The following WDR49 variants were observed in gnomAD, a reference collection of about 807,000 sequenced individuals.
WDR49 encodes WD repeat domain 49, also known as cilia- and flagella-associated protein 337.
Under a neutral mutation model 119.5 loss-of-function variants are expected in WDR49, and 107 were observed. The ratio of observed to expected loss-of-function variants is 0.90; its 90% CI spans 0.77 to 1.05. The LOEUF is 1.05. Ranked by LOEUF, WDR49 falls within the 50% of genes least tolerant of loss-of-function variation. WDR49 has a pLI of 0.00. For synonymous variants in WDR49, 425 were observed against 418.8 expected (o/e 1.01, Z -0.18); for missense variants, 1,240 against 1,220.5 (o/e 1.02, Z -0.24).
chr3:167,569,357 G>A (rs1015371977), intron 8 of WDR49, among the ~76,000 whole-genome samples: 1 of 152,078 alleles, frequency 6.6e-6, no homozygotes, highest in African/African-American at 2.4e-5. Flanking sequence ...TTAACTTTTT[G>A]TAATAGATTT....
chr3:167,532,392 A>G (rs1032021073), intron 12 of WDR49, among the ~76,000 whole-genome samples: 2 of 152,202 alleles, frequency 1.3e-5, no homozygotes, highest in Non-Finnish European at 2.9e-5. Context: ...CTAAACTCCC[A>G]TAAAATACAA....
At chr3:167,550,845 T>A (rs1712516351) in intron 10 of WDR49, among the ~76,000 whole-genome samples, 1 of 149,588 alleles carries the variant, frequency 6.7e-6, no homozygotes. Flanking sequence ...CAGGATAAAA[T>A]CTTAAATTCT....
intron 8 of WDR49, among the ~76,000 whole-genome samples, chr3:167,569,330 G>A (rs922847308): frequency 1.2e-4 from 19 of 152,206 alleles, no homozygotes; most frequent in Admixed American, 1.1e-3. Context: ...GTTTGAATAC[G>A]TAAGTTTTGA....
intron 5 of WDR49, among the ~76,000 whole-genome samples, chr3:167,619,567 G>A (rs1716766457): frequency 6.6e-6 from 1 of 152,094 alleles, no homozygotes; most frequent in African/African-American, 2.4e-5. Flanking sequence ...GAAACCCAAA[G>A]AGGGTAAAAT....
chr3:167,629,481 C>T (rs1048702704), intron 2 of WDR49, among the ~76,000 whole-genome samples: 2 of 151,996 alleles, frequency 1.3e-5, no homozygotes, highest in East Asian at 3.9e-4. Flanking sequence ...TGTTTTTATG[C>T]CTGCTAACAC....
At chr3:167,596,173 C>G (rs1472321940) in intron 7 of WDR49, among the ~76,000 whole-genome samples, 1 of 151,828 alleles carries the variant, frequency 6.6e-6, no homozygotes, top group Non-Finnish European at 1.5e-5. Context: ...CAGTGAGATA[C>G]CATCTCACAC....
At chr3:167,582,960 A>T (rs1429849678) in intron 7 of WDR49, among the ~76,000 whole-genome samples, 1 of 150,052 alleles carries the variant, frequency 6.7e-6, no homozygotes, top group African/African-American at 2.4e-5. Flanking sequence ...ACACACACAC[A>T]CACACACATA....
intron 18 of WDR49, among the ~76,000 whole-genome samples, chr3:167,495,020 G>A (rs1230838977): frequency 2.0e-5 from 3 of 152,208 alleles, no homozygotes; most frequent in African/African-American, 7.2e-5. Flanking sequence ...GCCGAATTAA[G>A]GAAAAGAGTG....
chr3:167,564,124 A>G (rs1577242916), intron 8 of WDR49, among the ~76,000 whole-genome samples: 1 of 152,308 alleles, frequency 6.6e-6, no homozygotes, highest in Middle Eastern at 3.4e-3. Context: ...ACTGAGCCCC[A>G]ACATACTATT....
chr3:167,611,369 C>T (rs1396137907), intron 5 of WDR49, among the ~76,000 whole-genome samples: 1 of 152,040 alleles, frequency 6.6e-6, no homozygotes, highest in Non-Finnish European at 1.5e-5. Context: ...GAAACTAAAT[C>T]ATATCATCAG....
At chr3:167,521,349 C>T (rs1209580907) in intron 16 of WDR49, among the ~76,000 whole-genome samples, 2 of 152,070 alleles carry the variant, frequency 1.3e-5, no homozygotes, top group Admixed American at 6.6e-5. Context: ...CAACTATACC[C>T]CCAGAAAAAA....
chr3:167,488,145 A>AAC (rs57719248), intron 18 of WDR49, among the ~76,000 whole-genome samples: 15,266 of 136,054 alleles, frequency 0.11, 1,019 homozygotes, highest in Admixed American at 0.19. Context: ...GATACACTCA[A>AAC]ACACACACAC....
At chr3:167,657,446 T>C (rs557552129), upstream of WDR49, among the ~76,000 whole-genome samples, 21 of 152,206 alleles carry the variant, frequency 1.4e-4, no homozygotes, top group Middle Eastern at 0.01. Flanking sequence ...ACAAATGAGA[T>C]ACATCTCTAT....
At chr3:167,512,857 A>G (rs1014908791) in intron 16 of WDR49, among the ~76,000 whole-genome samples, 1 of 152,248 alleles carries the variant, frequency 6.6e-6, no homozygotes, top group Non-Finnish European at 1.5e-5. Context: ...ACAGAATCTC[A>G]GAGCTTGATG....
intron 11 of WDR49, among the ~76,000 whole-genome samples, chr3:167,535,413 T>C (rs1752985526): frequency 6.6e-6 from 1 of 152,194 alleles, no homozygotes; most frequent in South Asian, 2.1e-4. Context: ...GAAAACCTGA[T>C]TTAAAAATGG....
chr3:167,646,583 C>A (rs756062671), intron 2 of WDR49, among the ~76,000 whole-genome samples: 8 of 152,134 alleles, frequency 5.3e-5, no homozygotes, highest in Non-Finnish European at 7.4e-5. Flanking sequence ...GTAGCTACTG[C>A]GTACTTGAAA....
At chr3:167,495,649 A>G (rs1751325509) in intron 18 of WDR49, among the ~76,000 whole-genome samples, 1 of 152,050 alleles carries the variant, frequency 6.6e-6, no homozygotes, top group African/African-American at 2.4e-5. Context: ...ATAATGGCTG[A>G]GAAGTATTCA....
intron 17 of WDR49, 142 bp from the exon 18 acceptor site, chr3:167,500,441 C>T (rs1286034771): frequency 9.5e-6 from 9 of 946,864 alleles, no homozygotes; most frequent in Non-Finnish European, 1.4e-5. Flanking sequence ...CTGCAGTGAT[C>T]TGCAAACCCT....
At chr3:167,526,719 C>T (rs945498360) in intron 15 of WDR49, among the ~76,000 whole-genome samples, 1 of 152,196 alleles carries the variant, frequency 6.6e-6, no homozygotes, top group African/African-American at 2.4e-5. Flanking sequence ...GATTTACCAA[C>T]ACCCTCTGCA....
Sources: allele counts gnomAD v4.1 joint callset (sites outside exome capture counted in the v4.1 genomes callset), GRCh38; gene constraint gnomAD v4.1.1; transcripts MANE v1.5; gene names NCBI Gene and HGNC (gene_info 2026-07-23, HGNC 2026-07-21).